Variants in TTC28 observed in about 807,000 individuals in gnomAD.
TTC28 encodes tetratricopeptide repeat protein 28.
In TTC28, 61 loss-of-function variants were observed where a neutral mutation model predicts 198.0. The ratio of observed to expected loss-of-function variants is 0.31; its 90% CI spans 0.25 to 0.38. The LOEUF (loss-of-function observed/expected upper bound fraction) is 0.38. Ranked by LOEUF, TTC28 falls within the 10% of genes least tolerant of loss-of-function variation. The probability of loss-of-function intolerance (pLI) is 1.00; values close to 1 mark genes in which losing one functional copy is unlikely to be tolerated. For missense variants in TTC28, 2,678 were observed against 3,164.0 expected (o/e 0.85, Z 3.69); for synonymous variants, 1,171 against 1,297.8 (o/e 0.90, Z 2.10).
At chr22:28,306,734 AAG>A in intron 2 of TTC28, 91 bp from the exon 3 acceptor site, 1 of 1,356,442 alleles carries the variant, frequency 7.4e-7, no homozygotes, top group East Asian at 2.5e-5. Context: ...CAGCAGAACT[AAG>A]ATTGAGATGT....
chr22:28,080,764 C>A (rs1345674495), intron 12 of TTC28, among the ~76,000 whole-genome samples: 1 of 152,100 alleles, frequency 6.6e-6, no homozygotes, highest in Non-Finnish European at 1.5e-5. Flanking sequence ...ATTGCCAAAT[C>A]CAATGTCAAG....
chr22:28,365,717 T>A (rs763132082), intron 2 of TTC28, among the ~76,000 whole-genome samples: 4 of 152,260 alleles, frequency 2.6e-5, no homozygotes, highest in Non-Finnish European at 5.9e-5. Context: ...TACACATGCA[T>A]ATTTGTCTGT....
chr22:28,006,798 C>T (rs775761032), intron 14 of TTC28: 4 of 152,230 alleles, frequency 2.6e-5, no homozygotes, highest in African/African-American at 4.8e-5. Context: ...TCTGCATATG[C>T]CCTGGTTGAG....
intron 6 of TTC28, among the ~76,000 whole-genome samples, chr22:28,120,954 C>T (rs891159451): frequency 6.6e-6 from 1 of 152,192 alleles, no homozygotes; most frequent in African/African-American, 2.4e-5. Flanking sequence ...ATATTCTGCT[C>T]ATTTTTCTGT....
intron 21 of TTC28, among the ~76,000 whole-genome samples, chr22:27,986,731 C>G (rs1937229789): frequency 6.6e-6 from 1 of 152,202 alleles, no homozygotes; most frequent in South Asian, 2.1e-4. Flanking sequence ...ATCTAGGCAG[C>G]CAGCCTTTTG....
intron 2 of TTC28, among the ~76,000 whole-genome samples, chr22:28,532,113 G>A (rs1380483961): frequency 1.3e-5 from 2 of 149,744 alleles, no homozygotes; most frequent in Non-Finnish European, 3.0e-5. Flanking sequence ...AAATCAAATG[G>A]AGGAGGTGGT....
chr22:28,141,767 T>G (rs958992507), intron 6 of TTC28, among the ~76,000 whole-genome samples: 1 of 152,168 alleles, frequency 6.6e-6, no homozygotes, highest in Non-Finnish European at 1.5e-5. Flanking sequence ...TTGGTTAGAT[T>G]ATTTTTGCCA....
intron 5 of TTC28, among the ~76,000 whole-genome samples, chr22:28,200,842 C>T (rs1383722938): frequency 2.0e-5 from 3 of 152,146 alleles, no homozygotes; most frequent in Non-Finnish European, 4.4e-5. Flanking sequence ...AATAGGTTCT[C>T]AAAGACTTGC....
intron 5 of TTC28, among the ~76,000 whole-genome samples, chr22:28,250,487 G>T (rs1012854085): frequency 6.6e-6 from 1 of 152,090 alleles, no homozygotes; most frequent in Admixed American, 6.5e-5. Flanking sequence ...GTATCTGTGG[G>T]AGGTTGTTTC....
chr22:28,424,441 A>C (rs143171879), intron 2 of TTC28, among the ~76,000 whole-genome samples: 1 of 152,220 alleles, frequency 6.6e-6, no homozygotes, highest in African/African-American at 2.4e-5. Flanking sequence ...CTATTAGAAT[A>C]CTTGGAACAT....
chr22:28,055,345 C>T (rs35649017), intron 12 of TTC28, among the ~76,000 whole-genome samples: 6,188 of 152,118 alleles, frequency 0.041, 186 homozygotes, highest in South Asian at 0.054. Flanking sequence ...GATTGGTATA[C>T]ACAAATCAAT....
At chr22:28,523,601 G>A (rs1568997394) in intron 2 of TTC28, among the ~76,000 whole-genome samples, 1 of 152,036 alleles carries the variant, frequency 6.6e-6, no homozygotes, top group Non-Finnish European at 1.5e-5. Flanking sequence ...TTTATATATT[G>A]TCTCAACAAG....
chr22:28,150,611 T>C (rs900976437), intron 6 of TTC28, among the ~76,000 whole-genome samples: 3 of 152,164 alleles, frequency 2.0e-5, no homozygotes, highest in African/African-American at 7.2e-5. Context: ...TCACATGGCA[T>C]AGGTCCAGGG....
intron 2 of TTC28, 130 bp from the exon 3 acceptor site, chr22:28,306,773 T>C (rs1238564858): frequency 3.1e-6 from 3 of 963,348 alleles, no homozygotes; most frequent in South Asian, 1.8e-5. Flanking sequence ...TAGTGAACAG[T>C]TGGTAATGAA....
intron 2 of TTC28, among the ~76,000 whole-genome samples, chr22:28,591,082 TATAG>T (rs1274154860): frequency 8.6e-5 from 10 of 116,842 alleles, no homozygotes; most frequent in Non-Finnish European, 1.4e-4. Flanking sequence ...TATATATATA[TATAG>T]GAATTGTGAC....
At position 28,347,595 on chromosome 22, in the gene TTC28, A is replaced by G. The variant is rs371934948; in HGVS notation, c.382-40952T>C. ...CGGTAGAAAGAATAGCACCTGGCTG[A>G]GTGCAGTGGCTCATGCCTGTAATCC... On this transcript the variant is annotated intron_variant, in intron 2 of 22. Transcript: ENST00000397906. Among the ~76,000 whole-genome samples, 130 of 152,214 alleles carry G rather than the reference A, an allele frequency of 8.5e-4. 2 individuals carry two copies. The East Asian group carries it at 0.023, about 27-fold the overall frequency.
chr22:27,982,851 G>A lies in TTC28; in HGVS notation c.6816C>T (p.Pro2272=), dbSNP rs370917225. 574 of 1,544,284 alleles carry A rather than the reference G, an allele frequency of 3.7e-4. 2 individuals carry two copies. In the African/African-American group the frequency reaches 5.7e-3, roughly 15 times the overall value. Residue 2272 remains proline, a synonymous_variant, in exon 23 of 23, where the codon CCC becomes CCT. Transcript: ENST00000397906. The surrounding 1 kb of genome is among the most constrained non-coding windows in gnomAD (Gnocchi z 5.2). ...GCTGGGAAGTCTGTGAGTCGCAGCC[G>A]GGCGATGGCCGGCCACTGTGCTGGC... ...SPSQHSGRPS[P]GCDSQTSQLD...
Position 28,455,953 on chromosome 22 carries a change from T to C in TTC28, c.382-149310A>G, listed in dbSNP as rs577493550. Reference sequence around the variant, plus strand: ...GGTGGGGGGATCACAAGGTCAGGAGTTGGAGACCAGCATGGCCAACAGAGT... The same window carrying C: ...GGTGGGGGGATCACAAGGTCAGGAGCTGGAGACCAGCATGGCCAACAGAGT... On this transcript the variant is annotated intron_variant, in intron 2 of 22. Transcript: ENST00000397906. Among the ~76,000 whole-genome samples the C allele has an allele frequency of 2.0e-5, 3 of 151,456 alleles. No individual in the cohort carries two copies. The East Asian group carries it at 5.9e-4, about 30-fold the overall frequency.
intron 2 of TTC28, among the ~76,000 whole-genome samples, chr22:28,514,150 A>G (rs1482400881): frequency 6.6e-6 from 1 of 152,240 alleles, no homozygotes; most frequent in African/African-American, 2.4e-5. Flanking sequence ...CTTATATGTC[A>G]TAAATTTCTA....
Sources: allele counts gnomAD v4.1 joint callset (sites outside exome capture counted in the v4.1 genomes callset), GRCh38; gene constraint gnomAD v4.1.1; non-coding constraint Gnocchi (gnomAD v3.1); transcripts MANE v1.5; gene names NCBI Gene and HGNC (gene_info 2026-07-23, HGNC 2026-07-21).